The following PDGFD variants were observed in gnomAD, a reference collection of about 807,000 sequenced individuals.
PDGFD encodes platelet derived growth factor D.
PDGFD carries 30 observed loss-of-function variants against 44.7 expected under a neutral mutation model. The ratio of observed to expected loss-of-function variants is 0.67; its 90% confidence interval spans 0.50 to 0.91. The LOEUF (loss-of-function observed/expected upper bound fraction) is 0.91, where lower values mean the gene tolerates loss of function less well. PDGFD is among the 40% of genes least tolerant of loss of function. The pLI is 0.00. For missense variants in PDGFD, 445 were observed against 457.8 expected, an observed-to-expected ratio of 0.97 and a Z score of 0.25; for synonymous variants, 173 against 168.4, an observed-to-expected ratio of 1.03 and a Z score of -0.21.
At chr11:104,160,401 A>G (rs1461171001) in intron 1 of PDGFD, among the ~76,000 whole-genome samples, 1 of 152,230 alleles carries the variant, frequency 6.6e-6, no homozygotes, top group Non-Finnish European at 1.5e-5. Context: ...AGATTTTAAA[A>G]TAAGTAAGTA....
chr11:103,972,159 C>T (rs1420207454), intron 3 of PDGFD, among the ~76,000 whole-genome samples: 1 of 152,186 alleles, frequency 6.6e-6, no homozygotes, highest in African/African-American at 2.4e-5. Flanking sequence ...TTTTCTCAAA[C>T]TCAGCATTAT....
chr11:104,043,012 G>A (rs1860382184), intron 1 of PDGFD, among the ~76,000 whole-genome samples: 1 of 152,008 alleles, frequency 6.6e-6, no homozygotes, highest in South Asian at 2.1e-4. Context: ...TATGTCATTG[G>A]CCAATATCAT....
chr11:104,119,403 T>TTG (rs1352551142), intron 1 of PDGFD, among the ~76,000 whole-genome samples: 1 of 40,614 alleles, frequency 2.5e-5, no homozygotes, highest in Non-Finnish European at 4.1e-5. Context: ...ATATAATATA[T>TTG]AATATAATAT....
rs775558672 is a variant in PDGFD at position 103,927,116 on chromosome 11, A to G, written c.783T>C (p.Asp261=). 2.2e-5 allele frequency: 36 copies of G among 1,613,940 alleles called. No homozygotes were observed. Among genetic ancestry groups the G allele is most frequent in the Non-Finnish European group, 2.8e-5 (33 of 1,179,960 alleles). The part of the protein sequence containing the change: ...YHDRKSKVDL[D]RLNDDAKRYS... ...AACGCTTGGCATCATCATTGAGCCT[A>G]TCCAGGTCAACTGTAAGCAAATACA... The change falls in exon 6 of 7, where the codon GAT becomes GAC. Residue 261 remains aspartate, a synonymous_variant. Coordinates refer to ENST00000393158, the MANE Select transcript of PDGFD (RefSeq NM_025208.5).
At chr11:103,967,211 T>C (rs1178030209) in intron 3 of PDGFD, among the ~76,000 whole-genome samples, 3 of 149,802 alleles carry the variant, frequency 2.0e-5, no homozygotes, top group Non-Finnish European at 4.4e-5. Context: ...TATTATTCCC[T>C]GTTTTCACTC....
intron 1 of PDGFD, among the ~76,000 whole-genome samples, chr11:104,026,817 G>C (rs1001550286): frequency 6.6e-6 from 1 of 152,160 alleles, no homozygotes; most frequent in African/African-American, 2.4e-5. Flanking sequence ...TGTGGACTGA[G>C]ACTCTTTCAT....
At chr11:103,934,106 G>A (rs1318324624) in intron 5 of PDGFD, among the ~76,000 whole-genome samples, 1 of 152,226 alleles carries the variant, frequency 6.6e-6, no homozygotes, top group African/African-American at 2.4e-5. Context: ...CAGCCAACAA[G>A]GCCAAGTTCA....
At chr11:103,984,891 T>C (rs1859331873) in intron 3 of PDGFD, among the ~76,000 whole-genome samples, 1 of 141,278 alleles carries the variant, frequency 7.1e-6, no homozygotes, top group African/African-American at 2.6e-5. Context: ...ATTTATTTAC[T>C]ATATAATATA....
At chr11:104,148,091 G>A (rs561541152) in intron 1 of PDGFD, among the ~76,000 whole-genome samples, 1 of 152,282 alleles carries the variant, frequency 6.6e-6, no homozygotes, top group East Asian at 1.9e-4. Context: ...TAAAAACTGA[G>A]TAGCATGGTT....
chr11:103,972,647 C>T (rs1379387632), intron 3 of PDGFD, among the ~76,000 whole-genome samples: 1 of 152,140 alleles, frequency 6.6e-6, no homozygotes, highest in East Asian at 1.9e-4. Flanking sequence ...ACTGTTCCTC[C>T]TATTGAGAAT....
At chr11:104,151,601 T>C (rs1862246313) in intron 1 of PDGFD, among the ~76,000 whole-genome samples, 2 of 152,172 alleles carry the variant, frequency 1.3e-5, no homozygotes, top group Admixed American at 1.3e-4. Context: ...CAAATAATTA[T>C]TTCGCACATC....
intron 1 of PDGFD, among the ~76,000 whole-genome samples, chr11:104,011,016 T>C (rs1295390553): frequency 6.6e-6 from 1 of 151,646 alleles, no homozygotes; most frequent in Admixed American, 6.6e-5. Flanking sequence ...TACCCAGGAG[T>C]AACAAGATTT....
intron 3 of PDGFD, among the ~76,000 whole-genome samples, chr11:103,980,832 A>T (rs1190907992): frequency 6.6e-6 from 1 of 151,970 alleles, no homozygotes; most frequent in East Asian, 1.9e-4. Context: ...GAATTTGGCA[A>T]TCTACAACCC....
intron 1 of PDGFD, among the ~76,000 whole-genome samples, chr11:104,149,495 T>C (rs1223516252): frequency 6.6e-6 from 1 of 152,118 alleles, no homozygotes; most frequent in East Asian, 1.9e-4. Context: ...GCAGTGTTAG[T>C]AGTGGTAGGT....
intron 1 of PDGFD, among the ~76,000 whole-genome samples, chr11:104,042,755 C>T (rs1039596472): frequency 2.0e-5 from 3 of 152,152 alleles, no homozygotes; most frequent in East Asian, 1.9e-4. Flanking sequence ...AGGTAAGCAA[C>T]TACTTAAATC....
chr11:103,924,843 TGG>T (rs966786199), intron 6 of PDGFD, among the ~76,000 whole-genome samples: 1 of 152,178 alleles, frequency 6.6e-6, no homozygotes, highest in Non-Finnish European at 1.5e-5. Flanking sequence ...CTTTAAGTTG[TGG>T]GATACTTGTG....
At chr11:104,112,573 A>G (rs551284052) in intron 1 of PDGFD, among the ~76,000 whole-genome samples, 126 of 152,106 alleles carry the variant, frequency 8.3e-4, no homozygotes, top group Non-Finnish European at 1.6e-3. Flanking sequence ...CATGCATGCA[A>G]ATGTTCACTG....
At chr11:104,053,871 T>C (rs1363720010) in intron 1 of PDGFD, among the ~76,000 whole-genome samples, 1 of 152,210 alleles carries the variant, frequency 6.6e-6, no homozygotes, top group Non-Finnish European at 1.5e-5. Context: ...CAGTGTTGGT[T>C]ATGATGGTAC....
At chr11:104,025,317 A>G (rs1349703292) in intron 1 of PDGFD, among the ~76,000 whole-genome samples, 1 of 152,218 alleles carries the variant, frequency 6.6e-6, no homozygotes, top group East Asian at 1.9e-4. Context: ...CAAGATTTTG[A>G]CCAGATGGTA....
Sources: gnomAD v4.1 joint callset for allele counts (sites outside exome capture counted in the v4.1 genomes callset) on GRCh38, gnomAD v4.1.1 for gene constraint, MANE v1.5 for transcripts, NCBI Gene and HGNC (gene_info 2026-07-23, HGNC 2026-07-21) for gene names.